MDGA1: variants seen among roughly 807,000 people sequenced by gnomAD.
MDGA1 encodes MAM domain-containing glycosylphosphatidylinositol anchor protein 1.
Under a neutral mutation model 101.5 loss-of-function variants are expected in MDGA1, and 54 were observed. That is an observed-to-expected ratio of 0.53 (90% CI 0.43 to 0.67). The LOEUF (loss-of-function observed/expected upper bound fraction) is 0.67, where lower values mean the gene tolerates loss of function less well. MDGA1 is among the 30% of genes least tolerant of loss of function. The pLI, the probability that MDGA1 is intolerant of heterozygous loss-of-function variation, is 0.00. For missense variants in MDGA1, 1,083 were observed against 1,323.8 expected, an observed-to-expected ratio of 0.82 and a Z score of 2.82; for synonymous variants, 533 against 558.3, an observed-to-expected ratio of 0.95 and a Z score of 0.64.
intron 12 of MDGA1, 21 bp from the exon 13 acceptor site, chr6:37,644,670 G>A: frequency 2.0e-6 from 3 of 1,535,944 alleles, no homozygotes; most frequent in South Asian, 2.5e-5. Flanking sequence ...TGGGGCGAAT[G>A]AGACAAAGAG....
Position 37,647,327 on chromosome 6 carries a change from A to G in MDGA1, c.1895-3T>C. ...AAACTCCGGGCTGTAGGCTTTGGCT[A>G]AGAGGGCGGGGAGGGGGGCATTGGG... On this transcript the variant is annotated splice_region_variant and splice_polypyrimidine_tract_variant and intron_variant, in intron 9 of 16. Transcript: ENST00000434837. 1 of 1,536,458 alleles carries G rather than the reference A, an allele frequency of 6.5e-7. No homozygotes were observed. Among genetic ancestry groups the G allele is most frequent in the Non-Finnish European group, 8.8e-7 (1 of 1,137,948 alleles).
At chr6:37,691,267 A>G (rs561219059) in intron 1 of MDGA1, among the ~76,000 whole-genome samples, 1 of 152,242 alleles carries the variant, frequency 6.6e-6, no homozygotes, top group African/African-American at 2.4e-5. Context: ...GCTACTTCTT[A>G]CCAGCTGTGC....
At chr6:37,653,425 G>C (rs1327995865) in intron 6 of MDGA1, among the ~76,000 whole-genome samples, 1 of 152,168 alleles carries the variant, frequency 6.6e-6, no homozygotes, top group Non-Finnish European at 1.5e-5. Flanking sequence ...GATGAAGAGA[G>C]TCCATGTAAT....
intron 1 of MDGA1, among the ~76,000 whole-genome samples, chr6:37,670,686 C>CGT (rs1465208444): frequency 1.3e-5 from 2 of 152,220 alleles, no homozygotes; most frequent in African/African-American, 4.8e-5. Context: ...GCCTGCAAGC[C>CGT]GTTTGCATGA....
chr6:37,697,860 G>C lies in MDGA1; in HGVS notation c.-1049C>G, dbSNP rs1444602827. On this transcript the variant is annotated 5_prime_UTR_variant, in exon 1 of 17. Transcript: ENST00000434837. ...TCCGGGCCGCGGGAGCGCTCCGCTC[G>C]CTCAGCAACTTGGGCTTTGCTGTGC... 1.3e-5 allele frequency: 2 copies of C among 151,052 alleles called. No homozygotes were observed. The highest frequency in any genetic ancestry group is 2.1e-4 in the South Asian group (1 of 4,856). 9.4% of individuals were successfully genotyped at this position (151,052 alleles called of 1,614,324 possible). A position where few individuals can be genotyped will look rare whatever the true frequency, so the allele number is the denominator to read the frequency against.
chr6:37,677,393 T>G lies in MDGA1; in HGVS notation c.68-13287A>C, dbSNP rs542733602. ...GGAAAAAGTAATTCACATAAGGATA[T>G]TCATGGCAGAGCTATTTAAAAGAAA... is the stretch of plus-strand genomic sequence containing the variant. On this transcript the variant is annotated intron_variant, in intron 1 of 16. Coordinates refer to ENST00000434837, the MANE Select transcript of MDGA1 (RefSeq NM_153487.4). 2.9e-3 allele frequency among the ~76,000 whole-genome samples: 446 copies of G among 152,282 alleles called. 6 individuals carry two copies. The highest frequency in any genetic ancestry group is 0.01 in the African/African-American group (433 of 41,554).
chr6:37,638,447 C>T lies in MDGA1; in HGVS notation c.2667+90G>A, dbSNP rs1763985331. 5.7e-6 allele frequency: 9 copies of T among 1,581,750 alleles called. No homozygotes were observed. Among genetic ancestry groups the T allele is most frequent in the African/African-American group, 2.7e-5 (2 of 74,386 alleles). Reference sequence around the variant, plus strand: ...AACCTGACTCTTTCCATCCTTAGCCCCCAGGAAGAAGGACAAGGTTTTCCT... The same window carrying T: ...AACCTGACTCTTTCCATCCTTAGCCTCCAGGAAGAAGGACAAGGTTTTCCT... On this transcript the variant is annotated intron_variant, in intron 15 of 16. Transcript: ENST00000434837. The surrounding 1 kb of genome is among the most constrained non-coding windows in gnomAD (Gnocchi z 4.8).
rs1036441025 is a variant in MDGA1 at position 37,688,011 on chromosome 6, T to C, written c.67+8734A>G. Reference sequence around the variant, plus strand: ...GACCCTCCAGTTAGCACCATTGAAGTAGAAAGCCTCCTTGCTCACAGTTTA... The same window carrying C: ...GACCCTCCAGTTAGCACCATTGAAGCAGAAAGCCTCCTTGCTCACAGTTTA... On this transcript the variant is annotated intron_variant, in intron 1 of 16. Coordinates refer to ENST00000434837, the MANE Select transcript of MDGA1 (RefSeq NM_153487.4). Among the ~76,000 whole-genome samples, 9 of 152,104 alleles carry C rather than the reference T, an allele frequency of 5.9e-5. No individual in the cohort carries two copies. In the South Asian group the frequency reaches 6.2e-4, roughly 11 times the overall value.
chr6:37,644,456 T>A, intron 13 of MDGA1, 41 bp downstream of exon 13: 1 of 1,500,086 alleles, frequency 6.7e-7, no homozygotes, highest in Non-Finnish European at 8.9e-7. Flanking sequence ...GACACCCCCC[T>A]GAAGCAATCC....
At chr6:37,689,388 C>T (rs1762262806) in intron 1 of MDGA1, among the ~76,000 whole-genome samples, 1 of 152,230 alleles carries the variant, frequency 6.6e-6, no homozygotes, top group African/African-American at 2.4e-5. Context: ...TCGATATCCC[C>T]CCCAGACATG....
chr6:37,638,948 A>G lies in MDGA1; in HGVS notation c.2537-281T>C. 1 of 377,218 alleles carries G rather than the reference A, an allele frequency of 2.7e-6. No homozygotes were observed. Among genetic ancestry groups the G allele is most frequent in the East Asian group, 6.0e-5 (1 of 16,570 alleles). The allele number at this position is 377,218 out of a possible 1,614,324, so 23.4% of individuals were successfully genotyped here. A position where few individuals can be genotyped will look rare whatever the true frequency, so the allele number is the denominator to read the frequency against. The stretch of plus-strand genomic sequence containing the variant: ...AATCAGCTAATCTCCCCAACCCCAA[A>G]CACACACATGCACACACACCCTACC... On this transcript the variant is annotated intron_variant, in intron 14 of 16. Transcript: ENST00000434837. The surrounding 1 kb of genome is among the most constrained non-coding windows in gnomAD (Gnocchi z 4.8).
At chr6:37,684,785 G>A (rs1427629415) in intron 1 of MDGA1, among the ~76,000 whole-genome samples, 2 of 152,146 alleles carry the variant, frequency 1.3e-5, no homozygotes, top group African/African-American at 4.8e-5. Flanking sequence ...AAAGAAAAGT[G>A]AATTCAGGTC....
rs747464326 is a variant in MDGA1 at position 37,638,490 on chromosome 6, A to G, written c.2667+47T>C. On this transcript the variant is annotated intron_variant, in intron 15 of 16. Transcript: ENST00000434837. The surrounding 1 kb of genome is among the most constrained non-coding windows in gnomAD (Gnocchi z 4.8). ...GTTTTCCTAAGTGTTTCCTGGCCAC[A>G]GCAACCACCGAAGCCGGGGAGGGTC... The G allele has an allele frequency of 2.7e-5, 43 of 1,610,380 alleles. No homozygotes were observed. The highest frequency in any genetic ancestry group is 3.5e-5 in the Non-Finnish European group (41 of 1,177,628).
intron 13 of MDGA1, 150 bp downstream of exon 13, chr6:37,644,347 G>A: frequency 1.1e-6 from 1 of 891,132 alleles, no homozygotes; most frequent in South Asian, 2.1e-5. Flanking sequence ...AATCGAGGCT[G>A]TGTCTCCCCT....
intron 11 of MDGA1, 44 bp from the exon 12 acceptor site, chr6:37,646,000 GGC>G: frequency 6.2e-7 from 1 of 1,613,838 alleles, no homozygotes; most frequent in Non-Finnish European, 8.5e-7. Context: ...TGAGGTGTGG[GGC>G]TCTGCAGAGG....
chr6:37,656,250 G>A (rs1761484827), intron 3 of MDGA1, among the ~76,000 whole-genome samples: 1 of 151,796 alleles, frequency 6.6e-6, no homozygotes, highest in South Asian at 2.1e-4. Flanking sequence ...GCTAATTTTT[G>A]TATTTTTAGT....
chr6:37,649,290 C>T (rs901216755), intron 8 of MDGA1, 24 bp from the exon 9 acceptor site: 4 of 1,461,298 alleles, frequency 2.7e-6, no homozygotes, highest in Non-Finnish European at 2.7e-6. Context: ...CGGCGGTCAG[C>T]GGGGCCTCTC....
At chr6:37,659,646 C>T (rs1761575368) in intron 2 of MDGA1, among the ~76,000 whole-genome samples, 1 of 152,102 alleles carries the variant, frequency 6.6e-6, no homozygotes, top group African/African-American at 2.4e-5. Context: ...TCCTCATGAA[C>T]AGGTCAGGCC....
At chr6:37,647,108 G>T in intron 10 of MDGA1, 65 bp downstream of exon 10, 3 of 1,444,518 alleles carry the variant, frequency 2.1e-6, no homozygotes, top group African/African-American at 1.4e-5. Context: ...GCCTTGATGA[G>T]CATTTCCAGG....
Sources: gnomAD v4.1 joint callset for allele counts (sites outside exome capture counted in the v4.1 genomes callset) on GRCh38, gnomAD v4.1.1 for gene constraint, Gnocchi (gnomAD v3.1) non-coding constraint, MANE v1.5 for transcripts, NCBI Gene and HGNC (gene_info 2026-07-23, HGNC 2026-07-21) for gene names.